Variants in CCT6B observed in about 807,000 individuals in gnomAD.
The protein encoded by CCT6B is probable T-complex protein 1 subunit zeta-2.
CCT6B carries 49 observed loss-of-function variants against 61.5 expected under a neutral mutation model. The observed-to-expected ratio is 0.80, with a 90% CI of 0.63 to 1.01. The LOEUF (loss-of-function observed/expected upper bound fraction) is 1.01, where lower values mean the gene tolerates loss of function less well. Among genes scored for constraint, CCT6B ranks in the 50% least tolerant of loss-of-function variants. The probability of loss-of-function intolerance (pLI) is 0.00; values close to 1 mark genes in which losing one functional copy is unlikely to be tolerated. For missense variants in CCT6B, 666 were observed against 634.7 expected (o/e 1.05, Z -0.53); for synonymous variants, 228 against 214.5 (o/e 1.06, Z -0.55).
chr17:34,933,954 C>A (rs112506754), intron 10 of CCT6B, among the ~76,000 whole-genome samples: 5 of 151,670 alleles, frequency 3.3e-5, no homozygotes, highest in African/African-American at 9.7e-5. Context: ...CACAGTGAGA[C>A]CCCATCTCTA....
chr17:34,939,620 T>C lies in CCT6B; in HGVS notation c.1062A>G (p.Thr354=). 2 of 1,581,460 alleles carry C rather than the reference T, an allele frequency of 1.3e-6. No homozygotes were observed. Among genetic ancestry groups the C allele is most frequent in the Non-Finnish European group, 8.7e-7 (1 of 1,150,354 alleles). Reference sequence around the variant, plus strand: ...CACTGTTCATAGAAATACTCACTAATGTATACTCATACACAAGACCAGCAT... The same window carrying C: ...CACTGTTCATAGAAATACTCACTAACGTATACTCATACACAAGACCAGCAT... ...LGHAGLVYEY[T]LGEEKFTFIE... Residue 354 remains threonine (T), a synonymous_variant, in exon 9 of 14, where the codon ACA becomes ACG. Transcript: ENST00000314144.
intron 12 of CCT6B, 98 bp downstream of exon 12, chr17:34,930,851 T>C (rs2090027077): frequency 2.1e-6 from 1 of 481,882 alleles, no homozygotes; most frequent in Admixed American, 2.9e-5. Flanking sequence ...AAAATTTAAA[T>C]ATTAAAGTTA....
chr17:34,941,576 T>A (rs1047675474), intron 7 of CCT6B, among the ~76,000 whole-genome samples: 1 of 152,226 alleles, frequency 6.6e-6, no homozygotes, highest in African/African-American at 2.4e-5. Context: ...TTGTTTTAAG[T>A]CACAGAATTT....
chr17:34,958,391 C>T (rs1198320057), intron 3 of CCT6B, among the ~76,000 whole-genome samples, 169 bp downstream of exon 3: 1 of 152,120 alleles, frequency 6.6e-6, no homozygotes, highest in African/African-American at 2.4e-5. Context: ...TTGCAGTGAG[C>T]CAAGATTCTG....
At chr17:34,950,764 A>G (rs1257497667) in intron 5 of CCT6B, among the ~76,000 whole-genome samples, 3 of 152,104 alleles carry the variant, frequency 2.0e-5, no homozygotes, top group Non-Finnish European at 4.4e-5. Flanking sequence ...CCCCGTCTCT[A>G]CTAAAATACA....
intron 12 of CCT6B, among the ~76,000 whole-genome samples, chr17:34,929,702 TG>T (rs1365613394): frequency 6.6e-6 from 1 of 151,582 alleles, no homozygotes; most frequent in Non-Finnish European, 1.5e-5. Flanking sequence ...TTAGTAGAGA[TG>T]GGGTTTCACC....
At chr17:34,949,756 ACT>A (rs1213704891) in intron 5 of CCT6B, 1 of 152,212 alleles carries the variant, frequency 6.6e-6, no homozygotes. Context: ...ATAAAGCAAA[ACT>A]CTCAAAACTA....
chr17:34,958,187 T>C lies in CCT6B; in HGVS notation c.336+373A>G, dbSNP rs1597765622. On this transcript the variant is annotated intron_variant, in intron 3 of 13. Coordinates refer to ENST00000314144, the MANE Select transcript of CCT6B (RefSeq NM_006584.4). Reference sequence around the variant, plus strand: ...GACCAGGCACGGTGGCTCATGCCTGTAATCCCAGCACTCTGGGAGGCCCAG... The same window carrying C: ...GACCAGGCACGGTGGCTCATGCCTGCAATCCCAGCACTCTGGGAGGCCCAG... Among the ~76,000 whole-genome samples, 3 of 152,326 alleles carry C rather than the reference T, an allele frequency of 2.0e-5. No individual in the cohort carries two copies. In the South Asian group the frequency reaches 6.2e-4, roughly 32 times the overall value.
intron 10 of CCT6B, among the ~76,000 whole-genome samples, chr17:34,937,950 G>A (rs892105806): frequency 2.0e-5 from 3 of 151,048 alleles, no homozygotes; most frequent in African/African-American, 4.9e-5. Context: ...GTGCAGTGGT[G>A]TGATCATAGC....
At position 34,947,058 on chromosome 17, in the gene CCT6B, G is replaced by T. The variant is rs140949074; in HGVS notation, c.615-4152C>A. On this transcript the variant is annotated intron_variant, in intron 5 of 13. Transcript: ENST00000314144. ...TAGAAAGTTTATTTTTAAATCAAGG[G>T]ACTGGTTTTAAAGTAGAGTAGACAT... Among the ~76,000 whole-genome samples the T allele has an allele frequency of 4.3e-4, 65 of 152,212 alleles. No individual in the cohort carries two copies. The East Asian group carries it at 0.012, about 27-fold the overall frequency.
At chr17:34,960,780 A>G (rs1310190327) in intron 1 of CCT6B, among the ~76,000 whole-genome samples, 1 of 152,224 alleles carries the variant, frequency 6.6e-6, no homozygotes, top group Non-Finnish European at 1.5e-5. Context: ...ATATACTGAA[A>G]AGATGAATAG....
chr17:34,956,574 C>T (rs750839781), intron 3 of CCT6B, among the ~76,000 whole-genome samples: 78 of 152,160 alleles, frequency 5.1e-4, no homozygotes, highest in Non-Finnish European at 1.5e-4. Context: ...GTTTCCCTCT[C>T]CCACTTGTGC....
chr17:34,931,108 A>G (rs2090031116), intron 11 of CCT6B, 57 bp from the exon 12 acceptor site: 1 of 522,874 alleles, frequency 1.9e-6, no homozygotes, highest in Non-Finnish European at 2.9e-6. Context: ...ACCTTCACAT[A>G]TATCAAATAT....
At chr17:34,939,818 T>C (rs1597744379) in intron 8 of CCT6B, 105 bp from the exon 9 acceptor site, 1 of 741,508 alleles carries the variant, frequency 1.3e-6, no homozygotes. Flanking sequence ...TACTGTATTG[T>C]ATTGTTTTGG....
chr17:34,959,615 T>C lies in CCT6B; in HGVS notation c.173A>G (p.Lys58Arg). 6.2e-7 allele frequency: 1 copy of C among 1,613,400 alleles called. No homozygotes were observed. Among genetic ancestry groups the C allele is most frequent in the Non-Finnish European group, 8.5e-7 (1 of 1,179,350 alleles). Residue 58 changes from lysine to arginine, a missense_variant, in exon 2 of 14, where the codon AAA becomes AGA. Physicochemically the swap from Lys to Arg is conservative, Grantham distance 26 (BLOSUM62 2). Coordinates refer to ENST00000314144, the MANE Select transcript of CCT6B (RefSeq NM_006584.4). Reference sequence around the variant, plus strand: ...CTCATCGAGCAGCACATTGCCATCTTTGGTGAGTTTGATGTCACCTGCACC... The same window carrying C: ...CTCATCGAGCAGCACATTGCCATCTCTGGTGAGTTTGATGTCACCTGCACC... ...VSGAGDIKLTKDGNVLLDEMQ... is the reference protein window; with the variant it reads ...VSGAGDIKLTRDGNVLLDEMQ...
At chr17:34,929,119 T>C (rs1361687591) in intron 12 of CCT6B, 85 bp from the exon 13 acceptor site, 3 of 808,896 alleles carry the variant, frequency 3.7e-6, no homozygotes, top group East Asian at 2.7e-5. Flanking sequence ...ATTTAATACA[T>C]TACCAAAACT....
chr17:34,943,714 T>C (rs2090192849), intron 5 of CCT6B: 1 of 151,556 alleles, frequency 6.6e-6, no homozygotes, highest in Non-Finnish European at 1.5e-5. Context: ...AGTATACATA[T>C]GTAACAAACC....
chr17:34,929,456 A>G (rs2090009007), intron 12 of CCT6B, among the ~76,000 whole-genome samples: 1 of 150,548 alleles, frequency 6.6e-6, no homozygotes, highest in African/African-American at 2.4e-5. Flanking sequence ...ATGACTCTCA[A>G]GGTTTTTTGG....
intron 5 of CCT6B, 28 bp downstream of exon 5, chr17:34,951,922 A>G (rs1198105553): frequency 3.6e-6 from 4 of 1,108,812 alleles, no homozygotes; most frequent in Non-Finnish European, 5.4e-6. Context: ...TCTAGAACCC[A>G]TATGTTGTCA....
Sources: gnomAD v4.1 joint callset for allele counts (sites outside exome capture counted in the v4.1 genomes callset) on GRCh38, gnomAD v4.1.1 for gene constraint, MANE v1.5 for transcripts, NCBI Gene and HGNC (gene_info 2026-07-23, HGNC 2026-07-21) for gene names.